Variants in PTPRC observed in about 807,000 individuals in gnomAD.
The protein encoded by PTPRC is receptor-type tyrosine-protein phosphatase C.
Under a neutral mutation model 155.9 loss-of-function variants are expected in PTPRC, and 44 were observed. The ratio of observed to expected loss-of-function variants is 0.28; its 90% CI spans 0.22 to 0.36. PTPRC has a LOEUF of 0.36. Ranked by LOEUF, PTPRC falls within the 10% of genes least tolerant of loss-of-function variation. The probability of loss-of-function intolerance (pLI) is 1.00; values close to 1 mark genes in which losing one functional copy is unlikely to be tolerated. For synonymous variants in PTPRC, 525 were observed against 533.1 expected (o/e 0.98, Z 0.21); for missense variants, 1,401 against 1,564.6 (o/e 0.90, Z 1.76).
intron 2 of PTPRC, among the ~76,000 whole-genome samples, chr1:198,649,760 T>C (rs1163987806): frequency 6.6e-6 from 1 of 151,940 alleles, no homozygotes; most frequent in Admixed American, 6.6e-5. Flanking sequence ...AAAACTGTTT[T>C]AAGTGTTGAC....
intron 2 of PTPRC, among the ~76,000 whole-genome samples, chr1:198,692,004 T>C (rs1387902797): frequency 6.6e-6 from 1 of 152,116 alleles, no homozygotes; most frequent in Non-Finnish European, 1.5e-5. Context: ...TTAATCATCA[T>C]TATCTAAATA....
chr1:198,751,636 C>T lies in PTPRC; in HGVS notation c.3208-613C>T, dbSNP rs1305545941. 2.0e-5 allele frequency among the ~76,000 whole-genome samples: 3 copies of T among 152,086 alleles called. No individual in the cohort carries two copies. In the East Asian group the frequency reaches 5.8e-4, roughly 30 times the overall value. On this transcript the variant is annotated intron_variant, in intron 29 of 32. Transcript: ENST00000442510. ...AAGCTGGGAAACAGGATGGAAGTAC[C>T]GGCAGGACTCCCTGTCTTTGTCAGA...
At chr1:198,716,989 A>T in intron 13 of PTPRC, 149 bp downstream of exon 13, 1 of 698,960 alleles carries the variant, frequency 1.4e-6, no homozygotes, top group Non-Finnish European at 2.4e-6. Flanking sequence ...CGTAAAATCT[A>T]AAAGTTTAAA....
At chr1:198,736,778 G>A (rs961481906) in intron 23 of PTPRC, among the ~76,000 whole-genome samples, 2 of 151,594 alleles carry the variant, frequency 1.3e-5, no homozygotes, top group African/African-American at 4.8e-5. Flanking sequence ...GTTCTACATA[G>A]TTGTTGTACT....
At chr1:198,748,037 G>T (rs145545019) in intron 26 of PTPRC, 72 bp from the exon 27 acceptor site, 1 of 1,530,354 alleles carries the variant, frequency 6.5e-7, no homozygotes, top group South Asian at 1.2e-5. Context: ...TTTCCTTAGG[G>T]AGCATCTTAT....
At chr1:198,721,835 T>C (rs1456914617) in intron 14 of PTPRC, among the ~76,000 whole-genome samples, 1 of 151,438 alleles carries the variant, frequency 6.6e-6, no homozygotes, top group East Asian at 1.9e-4. Context: ...TTCAAATATA[T>C]TTTACTTAAA....
At position 198,735,185 on chromosome 1, in the gene PTPRC, T is replaced by C; in HGVS notation, c.2336T>C (p.Val779Ala). 2 of 1,604,500 alleles carry C rather than the reference T, an allele frequency of 1.2e-6. No individual in the cohort carries two copies. The highest frequency in any genetic ancestry group is 1.7e-6 in the Non-Finnish European group (2 of 1,174,032). ...GAGGGCACTCGGGCTTTTGGAGATG[T>C]TGTTGTAAAGATCAACCAGCACAAA... ...MEEGTRAFGD[V>A]VVKINQHKRC... is the part of the protein sequence containing the mutation. The change falls in exon 23 of 33, where the codon GTT (valine) becomes GCT (alanine). Residue 779 changes from valine (V) to alanine (A), a missense_variant. This residue lies in a region of PTPRC where 867 missense variants were observed against 970.4 expected (regional missense o/e 0.89). Coordinates refer to ENST00000442510, the MANE Select transcript of PTPRC (RefSeq NM_002838.5).
In PTPRC at chr1:198,728,423, T is replaced by C. The variant is rs111414217; in HGVS notation, c.1804T>C (p.Tyr602His). The part of the protein sequence containing the change: ...IALLVVLYKI[Y>H]DLHKKRSCNL... ...CCTGCTTGTTGTTCTCTACAAAATC[T>C]ATGATCTACATAAGAAAAGATCCTG... Residue 602 changes from tyrosine (Y) to histidine (H), a missense_variant, in exon 16 of 33, where the codon TAT (tyrosine) becomes CAT (histidine). Physicochemically the swap from Tyr to His is moderately conservative, Grantham distance 83 (BLOSUM62 2). Coordinates refer to ENST00000442510, the MANE Select transcript of PTPRC (RefSeq NM_002838.5). 1 of 1,612,818 alleles carries C rather than the reference T, an allele frequency of 6.2e-7. No homozygotes were observed.
At chr1:198,694,533 A>C in intron 3 of PTPRC, 1 of 992,282 alleles carries the variant, frequency 1.0e-6, no homozygotes, top group Non-Finnish European at 1.2e-6. Flanking sequence ...ACATCTAATG[A>C]AAGAGTGAGA....
At position 198,756,777 on chromosome 1, in the gene PTPRC, T is replaced by G. The variant is rs1174002454; in HGVS notation, c.*596T>G. On this transcript the variant is annotated 3_prime_UTR_variant, in exon 33 of 33. Coordinates refer to ENST00000442510, the MANE Select transcript of PTPRC (RefSeq NM_002838.5). Reference sequence around the variant, plus strand: ...ACTACAAAAAAGTTGTTAACTAAATTAACATTGGGAAATCTTATATTCCAT... The same window carrying G: ...ACTACAAAAAAGTTGTTAACTAAATGAACATTGGGAAATCTTATATTCCAT... 1 of 152,060 alleles carries G rather than the reference T, an allele frequency of 6.6e-6. No individual in the cohort carries two copies. Among genetic ancestry groups the G allele is most frequent in the African/African-American group, 2.4e-5 (1 of 41,432 alleles). 9.4% of individuals were successfully genotyped at this position (152,060 alleles called of 1,614,324 possible). A position where few individuals can be genotyped will look rare whatever the true frequency, so the allele number is the denominator to read the frequency against.
rs1396092422 is a variant in PTPRC at position 198,656,754 on chromosome 1, C to A, written c.73+17413C>A. Among the ~76,000 whole-genome samples, 5 of 150,076 alleles carry A rather than the reference C, an allele frequency of 3.3e-5. No homozygotes were observed. In the East Asian group the frequency reaches 9.9e-4, roughly 30 times the overall value. On this transcript the variant is annotated intron_variant, in intron 2 of 32. Transcript: ENST00000442510. Reference sequence around the variant, plus strand: ...ACGTCATGGAGGTGGCGTGGGGGAGCGGGTGAACAAGGAAACTTTAGTTGC... The same window carrying A: ...ACGTCATGGAGGTGGCGTGGGGGAGAGGGTGAACAAGGAAACTTTAGTTGC...
At position 198,696,784 on chromosome 1, in the gene PTPRC, C is replaced by T. The variant is rs1666225106; in HGVS notation, c.173C>T (p.Ser58Leu). ...TTACCTACTCACACCACTGCATTCT[C>T]ACCCGCAAGCACCTTTGAAAGAGAA... ...DPLPTHTTAFSPASTFEREND... is the reference protein window; with the variant it reads ...DPLPTHTTAFLPASTFEREND... The change falls in exon 4 of 33, where the codon TCA becomes TTA. Residue 58 changes from serine (S) to leucine (L), a missense_variant. Around this residue, in one of 3 missense-constraint regions of PTPRC, gnomAD observed 867 missense variants for 970.4 expected, o/e 0.89. Coordinates refer to ENST00000442510, the MANE Select transcript of PTPRC (RefSeq NM_002838.5). 1.9e-6 allele frequency: 3 copies of T among 1,614,038 alleles called. No homozygotes were observed. The highest frequency in any genetic ancestry group is 2.2e-5 in the South Asian group (2 of 91,076).
intron 15 of PTPRC, among the ~76,000 whole-genome samples, chr1:198,725,072 G>A (rs1162461824): frequency 6.6e-6 from 1 of 152,138 alleles, no homozygotes; most frequent in Non-Finnish European, 1.5e-5. Context: ...AAAGTGCTGG[G>A]ATTACAGGTG....
intron 12 of PTPRC, among the ~76,000 whole-genome samples, chr1:198,713,888 A>G (rs535766363): frequency 6.6e-6 from 1 of 152,302 alleles, no homozygotes; most frequent in South Asian, 2.1e-4. Flanking sequence ...GAAAAGTGAA[A>G]GGCTATTTTT....
intron 3 of PTPRC, chr1:198,692,718 A>G: frequency 2.1e-6 from 2 of 931,100 alleles, no homozygotes; most frequent in Non-Finnish European, 2.6e-6. Flanking sequence ...ATAGTCTGAA[A>G]GCAGGTTAAC....
At chr1:198,732,126 G>GT (rs201880025) in intron 18 of PTPRC, among the ~76,000 whole-genome samples, 174 bp from the exon 19 acceptor site, 52 of 147,986 alleles carry the variant, frequency 3.5e-4, no homozygotes, top group East Asian at 2.6e-3. Context: ...TAAGAAAAAA[G>GT]TTTTTTTTTT....
At chr1:198,651,881 T>G (rs1663273181) in intron 2 of PTPRC, among the ~76,000 whole-genome samples, 1 of 151,808 alleles carries the variant, frequency 6.6e-6, no homozygotes, top group Non-Finnish European at 1.5e-5. Flanking sequence ...CTCGTGTGCC[T>G]GGCACTCCAT....
intron 15 of PTPRC, among the ~76,000 whole-genome samples, chr1:198,723,151 C>T (rs1408359128): frequency 2.7e-5 from 4 of 150,252 alleles, no homozygotes; most frequent in African/African-American, 9.7e-5. Flanking sequence ...TTGTATACTG[C>T]TCTTTCTAGA....
At chr1:198,752,916 T>C in intron 31 of PTPRC, 144 bp downstream of exon 31, 1 of 794,084 alleles carries the variant, frequency 1.3e-6, no homozygotes, top group Non-Finnish European at 2.1e-6. Flanking sequence ...CTCTTGGTTG[T>C]TTCCACAACA....
Sources: gnomAD v4.1 joint callset for allele counts (sites outside exome capture counted in the v4.1 genomes callset) on GRCh38, gnomAD v4.1.1 for gene constraint, gnomAD v4.1.1 regional missense constraint, MANE v1.5 for transcripts, NCBI Gene and HGNC (gene_info 2026-07-23, HGNC 2026-07-21) for gene names.